The following SCUBE2 variants were observed in gnomAD, a reference collection of about 807,000 sequenced individuals.
SCUBE2 encodes signal peptide, CUB and EGF-like domain-containing protein 2.
Under a neutral mutation model 125.9 loss-of-function variants are expected in SCUBE2, and 114 were observed. That is an observed-to-expected ratio of 0.91 (90% confidence interval 0.78 to 1.06). SCUBE2 has a LOEUF of 1.06. Ranked by LOEUF, SCUBE2 falls within the 50% of genes least tolerant of loss-of-function variation. The pLI, the probability that SCUBE2 is intolerant of heterozygous loss-of-function variation, is 0.00. For missense variants in SCUBE2, 1,255 were observed against 1,301.8 expected, an observed-to-expected ratio of 0.96 and a Z score of 0.55; for synonymous variants, 459 against 492.9, an observed-to-expected ratio of 0.93 and a Z score of 0.91.
chr11:9,089,267 C>G (rs1341179174), intron 2 of SCUBE2, among the ~76,000 whole-genome samples: 4 of 152,184 alleles, frequency 2.6e-5, no homozygotes, highest in African/African-American at 9.7e-5. Flanking sequence ...AAGCCATAAA[C>G]AGGATGGAGC....
Position 9,053,743 on chromosome 11 carries a change from G to A in SCUBE2, c.1224C>T (p.Ser408=). The change falls in exon 11 of 23, where the codon AGC becomes AGT. Residue 408 remains serine (S), a synonymous_variant. Transcript: ENST00000649792. ...CCTGCTGACAGCCTCCGTTGTTGAT[G>A]CTGCACTCATTGGTGTCTGTGGAAC... The part of the protein sequence containing the change: ...FTHCGDTNEC[S]INNGGCQQVC... 4 of 1,613,948 alleles carry A rather than the reference G, an allele frequency of 2.5e-6. No homozygotes were observed. The highest frequency in any genetic ancestry group is 3.4e-6 in the Non-Finnish European group (4 of 1,179,858).
At chr11:9,088,393 C>T (rs1862301918) in intron 2 of SCUBE2, among the ~76,000 whole-genome samples, 1 of 152,208 alleles carries the variant, frequency 6.6e-6, no homozygotes, top group Non-Finnish European at 1.5e-5. Context: ...GAGGCTGAGG[C>T]AGGAGAATTG....
At chr11:9,071,759 T>G (rs530359626) in intron 4 of SCUBE2, among the ~76,000 whole-genome samples, 1 of 152,228 alleles carries the variant, frequency 6.6e-6, no homozygotes, top group Admixed American at 6.5e-5. Context: ...ATAAAACGGG[T>G]AACAGGTCCT....
Position 9,059,339 on chromosome 11 carries a change from C to T in SCUBE2, c.1054G>A (p.Gly352Arg). 6.2e-7 allele frequency: 1 copy of T among 1,614,194 alleles called. No individual in the cohort carries two copies. Among genetic ancestry groups the T allele is most frequent in the Non-Finnish European group, 8.5e-7 (1 of 1,180,024 alleles). The change falls in exon 9 of 23, where the codon GGA becomes AGA. Residue 352 changes from glycine (G) to arginine (R), a missense_variant. Around this residue, in one of 3 missense-constraint regions of SCUBE2, gnomAD observed 378 missense variants for 463.1 expected, o/e 0.82. Coordinates refer to ENST00000649792, the MANE Select transcript of SCUBE2 (RefSeq NM_001367977.2). ...TTCTCATCTGTTAATAATTTAAATCCTTTCTTGCAGCCGCAGTCAAAACTG... is the reference window on the plus strand; with the variant it reads ...TTCTCATCTGTTAATAATTTAAATCTTTTCTTGCAGCCGCAGTCAAAACTG... ...VGSFDCGCKK[G>R]FKLLTDEKSC...
chr11:9,051,497 C>A (rs953998318), intron 13 of SCUBE2, among the ~76,000 whole-genome samples: 1 of 152,178 alleles, frequency 6.6e-6, no homozygotes, highest in Non-Finnish European at 1.5e-5. Context: ...CATGGCTAGG[C>A]TCTGAGGTCT....
intron 3 of SCUBE2, among the ~76,000 whole-genome samples, chr11:9,076,135 C>T (rs1861194589): frequency 6.6e-6 from 1 of 152,054 alleles, no homozygotes; most frequent in Admixed American, 6.5e-5. Context: ...AGTGGTGGAG[C>T]TTGATGAGAG....
At position 9,029,995 on chromosome 11, in the gene SCUBE2, G is replaced by A. The variant is rs571629363; in HGVS notation, c.2392C>T (p.Arg798Cys). The A allele has an allele frequency of 8.9e-5, 144 of 1,614,176 alleles. No homozygotes were observed. In the East Asian group the frequency reaches 1.8e-3, roughly 21 times the overall value. ...FYNTTTHRCI[R>C]CPVGTYQPEF... ...GGCTGGTATGTTCCCACTGGGCAAC[G>A]AATACATCGGTGAGTGGTGGTGTTG... is the stretch of plus-strand genomic sequence containing the variant. Residue 798 changes from arginine to cysteine, a missense_variant, in exon 19 of 23, where the codon CGT becomes TGT. Transcript: ENST00000649792.
chr11:9,059,550 T>C lies in SCUBE2; in HGVS notation c.968-125A>G. The C allele has an allele frequency of 3.3e-6, 4 of 1,223,538 alleles. No homozygotes were observed. In the South Asian group the frequency reaches 5.5e-5, roughly 17 times the overall value. 75.8% of individuals were successfully genotyped at this position (1,223,538 alleles called of 1,614,324 possible). Reference sequence around the variant, plus strand: ...TAAGAAAAAGACTCACAAAAGCATTTAAGAATGTTTGCTGATGTTTTTAAC... The same window carrying C: ...TAAGAAAAAGACTCACAAAAGCATTCAAGAATGTTTGCTGATGTTTTTAAC... On this transcript the variant is annotated intron_variant, in intron 8 of 22. Coordinates refer to ENST00000649792, the MANE Select transcript of SCUBE2 (RefSeq NM_001367977.2).
intron 14 of SCUBE2, chr11:9,050,329 T>C (rs1045145866): frequency 5.5e-5 from 19 of 348,440 alleles, no homozygotes; most frequent in African/African-American, 3.5e-4. Flanking sequence ...GAAGCCCTTA[T>C]TGACTTCTGT....
chr11:9,056,488 C>G (rs1859093169), intron 9 of SCUBE2, among the ~76,000 whole-genome samples: 1 of 152,204 alleles, frequency 6.6e-6, no homozygotes, highest in South Asian at 2.1e-4. Flanking sequence ...CACTAATTTT[C>G]TCTTTGCAGG....
At chr11:9,053,929 C>T (rs1414439935) in intron 10 of SCUBE2, among the ~76,000 whole-genome samples, 170 bp from the exon 11 acceptor site, 2 of 152,086 alleles carry the variant, frequency 1.3e-5, no homozygotes, top group Admixed American at 1.3e-4. Context: ...ACTGCACACC[C>T]CACTCCCCAC....
intron 1 of SCUBE2, 80 bp from the exon 2 acceptor site, chr11:9,089,909 C>A: frequency 6.5e-7 from 1 of 1,529,764 alleles, no homozygotes. Flanking sequence ...TGGCATCATC[C>A]TCACCAGCCC....
rs1858858001 is a variant in SCUBE2, at chr11:9,054,716, TATA to T, written c.1208-960_1208-958del. 1.3e-4 allele frequency among the ~76,000 whole-genome samples: 10 copies of T among 79,814 alleles called. No individual in the cohort carries two copies. The East Asian group carries it at 2.6e-3, about 21-fold the overall frequency. The allele number at this position is 79,814 out of a possible 152,430, so 52.4% of individuals were successfully genotyped here. A position where few individuals can be genotyped will look rare whatever the true frequency, so the allele number is the denominator to read the frequency against. On this transcript the variant is annotated intron_variant, in intron 10 of 22. Coordinates refer to ENST00000649792, the MANE Select transcript of SCUBE2 (RefSeq NM_001367977.2). ...AAGCACTAGTGTATATATATATATA[TATA>T]TATATATTTTTTTTTTTTTTTTTTT...
At chr11:9,055,029 C>G (rs1858942101) in intron 10 of SCUBE2, among the ~76,000 whole-genome samples, 1 of 152,088 alleles carries the variant, frequency 6.6e-6, no homozygotes, top group South Asian at 2.1e-4. Flanking sequence ...CCACCACGCC[C>G]AGCATATCCA....
At chr11:9,066,086 T>C (rs753064565) in intron 6 of SCUBE2, 106 bp from the exon 7 acceptor site, 4 of 744,852 alleles carry the variant, frequency 5.4e-6, no homozygotes, top group Non-Finnish European at 9.2e-6. Context: ...GAATGAAAGA[T>C]ATGTGACTCT....
intron 4 of SCUBE2, among the ~76,000 whole-genome samples, chr11:9,072,358 A>G (rs746914493): frequency 5.3e-5 from 8 of 152,078 alleles, no homozygotes; most frequent in Non-Finnish European, 8.8e-5. Flanking sequence ...AGAGGCGCCC[A>G]CCACCACGCC....
intron 2 of SCUBE2, among the ~76,000 whole-genome samples, chr11:9,088,980 C>G (rs1341462513): frequency 6.6e-6 from 1 of 152,210 alleles, no homozygotes; most frequent in Non-Finnish European, 1.5e-5. Context: ...CCCAGAGCTA[C>G]CTGAATAGCC....
At chr11:9,059,185 T>C (rs879666626) in intron 9 of SCUBE2, 118 bp downstream of exon 9, 7 of 1,176,460 alleles carry the variant, frequency 6.0e-6, no homozygotes, top group African/African-American at 3.0e-5. Flanking sequence ...AGGAAGGAGA[T>C]TGGATTAGTG....
At chr11:9,085,827 G>GT (rs67816315) in intron 2 of SCUBE2, among the ~76,000 whole-genome samples, 85 of 150,006 alleles carry the variant, frequency 5.7e-4, no homozygotes, top group African/African-American at 1.6e-3. Flanking sequence ...AATCTCTTTA[G>GT]TTTTTTTTTT....
Sources: allele counts gnomAD v4.1 joint callset (sites outside exome capture counted in the v4.1 genomes callset), GRCh38; gene constraint gnomAD v4.1.1; regional missense constraint gnomAD v4.1.1; transcripts MANE v1.5; gene names NCBI Gene and HGNC (gene_info 2026-07-23, HGNC 2026-07-21).